Variants in GANC observed in about 807,000 individuals in gnomAD.
The protein encoded by GANC is glucosidase alpha, neutral C, also known as neutral alpha-glucosidase C.
Under a neutral mutation model 124.2 loss-of-function variants are expected in GANC, and 117 were observed. The ratio of observed to expected loss-of-function variants is 0.94; its 90% CI spans 0.81 to 1.10. The LOEUF is 1.10. Ranked by LOEUF, GANC falls within the 50% of genes least tolerant of loss-of-function variation. The pLI, the probability that GANC is intolerant of heterozygous loss-of-function variation, is 0.00. For missense variants in GANC, 1,140 were observed against 1,095.0 expected (o/e 1.04, Z -0.58); for synonymous variants, 377 against 376.8 (o/e 1.00, Z -0.01).
At position 42,348,118 on chromosome 15, in the gene GANC, CG is replaced by C. The variant is rs901829959; in HGVS notation, c.2321del (p.Arg774GlnfsTer5). The C allele has an allele frequency of 1.9e-6, 3 of 1,606,312 alleles. No homozygotes were observed. The highest frequency in any genetic ancestry group is 2.7e-5 in the African/African-American group (2 of 74,534). On this transcript the variant is annotated frameshift_variant, in exon 21 of 24. Coordinates refer to ENST00000318010, the MANE Select transcript of GANC (RefSeq NM_198141.3). LOFTEE classifies it high-confidence loss of function. ...TCTGTTACAGATTCCAGTGTTTCAG[CG>C]AGGTGGAAGTGTGATACCAATAAAG... ...VALDTIPVFQ[R>X]GGSVIPIKTT...
chr15:42,276,248 A>G (rs1315846046), intron 1 of GANC, 100 bp from the exon 2 acceptor site: 3 of 648,486 alleles, frequency 4.6e-6, no homozygotes, highest in African/African-American at 1.8e-5. Flanking sequence ...TAGACTCCAA[A>G]GGTTTATTTT....
chr15:42,337,405 C>T (rs1244118700), intron 15 of GANC, among the ~76,000 whole-genome samples: 1 of 151,992 alleles, frequency 6.6e-6, no homozygotes, highest in Non-Finnish European at 1.5e-5. Flanking sequence ...ATGCCCTGTG[C>T]AGGAACATGG....
chr15:42,343,450 G>C, intron 19 of GANC: 1 of 347,034 alleles, frequency 2.9e-6, no homozygotes, highest in Non-Finnish European at 5.4e-6. Flanking sequence ...GGGGTAGGAA[G>C]AAATCTTCAG....
At chr15:42,299,751 A>C (rs778389413) in intron 6 of GANC, among the ~76,000 whole-genome samples, 13 of 152,232 alleles carry the variant, frequency 8.5e-5, no homozygotes, top group Non-Finnish European at 1.8e-4. Flanking sequence ...CTGGTACCAA[A>C]ACAGACATAT....
At chr15:42,308,775 G>A (rs914456183) in intron 8 of GANC, among the ~76,000 whole-genome samples, 1 of 152,228 alleles carries the variant, frequency 6.6e-6, no homozygotes, top group East Asian at 1.9e-4. Context: ...GTGAGCCACC[G>A]TGCCTGGCCG....
chr15:42,294,073 T>G (rs1411714916), intron 5 of GANC, among the ~76,000 whole-genome samples: 1 of 150,980 alleles, frequency 6.6e-6, no homozygotes, highest in Non-Finnish European at 1.5e-5. Flanking sequence ...CAAAAAACGC[T>G]TTTTTTTCTT....
intron 4 of GANC, among the ~76,000 whole-genome samples, chr15:42,288,685 T>A (rs1453943029): frequency 1.3e-5 from 2 of 152,172 alleles, no homozygotes; most frequent in South Asian, 4.1e-4. Context: ...TAATTTTTTT[T>A]AATTTAATTT....
intron 19 of GANC, among the ~76,000 whole-genome samples, chr15:42,343,822 G>A (rs2141078076): frequency 6.6e-6 from 1 of 152,274 alleles, no homozygotes. Context: ...AGGGCCAGGA[G>A]AAGAGCTGGA....
chr15:42,335,217 C>A (rs1457472971), intron 15 of GANC, among the ~76,000 whole-genome samples: 1 of 152,102 alleles, frequency 6.6e-6, no homozygotes, highest in Non-Finnish European at 1.5e-5. Flanking sequence ...AAATCCTCAA[C>A]AAAATACTGG....
At chr15:42,325,411 C>G (rs1248368294) in intron 11 of GANC, among the ~76,000 whole-genome samples, 2 of 152,134 alleles carry the variant, frequency 1.3e-5, no homozygotes, top group South Asian at 4.1e-4. Context: ...TATTGAGGCC[C>G]TAGACTGGTG....
chr15:42,283,783 A>C (rs1209964409), intron 3 of GANC: 1 of 702,454 alleles, frequency 1.4e-6, no homozygotes, highest in Non-Finnish European at 2.6e-6. Flanking sequence ...ACTACCGCTT[A>C]TTAGCCAGTA....
Position 42,274,358 on chromosome 15 carries a change from T to C in GANC, c.-124T>C. On this transcript the variant is annotated 5_prime_UTR_variant, in exon 1 of 24. Transcript: ENST00000318010. ...CATGAGAATCTGGAGGGGACTCCCTTCCCAGAAACTTGACGATGAAGTACT... is the reference window on the plus strand; with the variant it reads ...CATGAGAATCTGGAGGGGACTCCCTCCCCAGAAACTTGACGATGAAGTACT... The C allele has an allele frequency of 1.0e-6, 1 of 1,003,000 alleles. No individual in the cohort carries two copies. The allele number at this position is 1,003,000 out of a possible 1,614,324, so 62.1% of individuals were successfully genotyped here.
intron 15 of GANC, among the ~76,000 whole-genome samples, chr15:42,332,172 A>C (rs1185085327): frequency 2.6e-5 from 4 of 152,222 alleles, no homozygotes; most frequent in Admixed American, 2.0e-4. Context: ...TTTATAAAAG[A>C]TTAATGGAAG....
At chr15:42,277,609 G>A (rs989844462) in intron 2 of GANC, among the ~76,000 whole-genome samples, 1 of 151,346 alleles carries the variant, frequency 6.6e-6, no homozygotes, top group Non-Finnish European at 1.5e-5. Context: ...TTATTTTTAT[G>A]CATTTTTTTG....
chr15:42,329,448 A>G lies in GANC; in HGVS notation c.1643A>G (p.His548Arg), dbSNP rs2052224460. 6.2e-7 allele frequency: 1 copy of G among 1,604,568 alleles called. No homozygotes were observed. The highest frequency in any genetic ancestry group is 8.5e-7 in the Non-Finnish European group (1 of 1,177,016). The stretch of plus-strand genomic sequence containing the variant: ...CTCCACAACATCTACGGTTTTTATC[A>G]TGTAAGACATCCAAAAAGAATTAAA... ...RELHNIYGFY[H>R]QMATAEGLIK... Residue 548 changes from histidine to arginine, a missense_variant and splice_region_variant, in exon 14 of 24, where the codon CAT becomes CGT. Physicochemically the swap from His to Arg is conservative, Grantham distance 29. Coordinates refer to ENST00000318010, the MANE Select transcript of GANC (RefSeq NM_198141.3).
intron 15 of GANC, among the ~76,000 whole-genome samples, chr15:42,336,228 C>A (rs2052282648): frequency 6.6e-6 from 1 of 151,536 alleles, no homozygotes; most frequent in African/African-American, 2.4e-5. Flanking sequence ...TACCCAACCT[C>A]AAACTACTAC....
In GANC at chr15:42,352,586, C is replaced by A; in HGVS notation, c.*447C>A. On this transcript the variant is annotated 3_prime_UTR_variant, in exon 24 of 24. Transcript: ENST00000318010. The stretch of plus-strand genomic sequence containing the variant: ...AAGTGGACAGCAGCCTCTGGTACTC[C>A]CCCCAGTTATCTTCCACCCACATGG... 1 of 1,009,648 alleles carries A rather than the reference C, an allele frequency of 9.9e-7. No individual in the cohort carries two copies. The highest frequency in any genetic ancestry group is 1.2e-6 in the Non-Finnish European group (1 of 843,346). The allele number at this position is 1,009,648 out of a possible 1,614,324, so 62.5% of individuals were successfully genotyped here.
intron 20 of GANC, 83 bp from the exon 21 acceptor site, chr15:42,348,020 T>G: frequency 1.2e-6 from 1 of 826,102 alleles, no homozygotes; most frequent in Middle Eastern, 2.6e-4. Context: ...ACTGTGAATT[T>G]TATAAAATGA....
At chr15:42,279,012 G>C (rs1362375443) in intron 3 of GANC, among the ~76,000 whole-genome samples, 1 of 151,998 alleles carries the variant, frequency 6.6e-6, no homozygotes, top group East Asian at 1.9e-4. Context: ...AACAAAGAAA[G>C]AAAGAAAATG....
Sources: gnomAD v4.1 joint callset for allele counts (sites outside exome capture counted in the v4.1 genomes callset) on GRCh38, gnomAD v4.1.1 for gene constraint, MANE v1.5 for transcripts, NCBI Gene and HGNC (gene_info 2026-07-23, HGNC 2026-07-21) for gene names.